CFAP54: variants seen among roughly 807,000 people sequenced by gnomAD.
CFAP54 encodes the protein cilia and flagella associated protein 54.
In CFAP54, 290 loss-of-function variants were observed where a neutral mutation model predicts 370.4. That is an observed-to-expected ratio of 0.78 (90% CI 0.71 to 0.86). CFAP54 has a LOEUF of 0.86. Ranked by LOEUF, CFAP54 falls within the 40% of genes least tolerant of loss-of-function variation. The pLI, the probability that CFAP54 is intolerant of heterozygous loss-of-function variation, is 0.00. For missense variants in CFAP54, 3,399 were observed against 3,528.7 expected (o/e 0.96, Z 0.93); for synonymous variants, 1,206 against 1,236.5 (o/e 0.98, Z 0.52).
intron 50 of CFAP54, among the ~76,000 whole-genome samples, chr12:96,731,225 T>C (rs1957916021): frequency 6.6e-6 from 1 of 152,228 alleles, no homozygotes; most frequent in Admixed American, 6.5e-5. Context: ...CCAGTTTCAC[T>C]TAAGAATGCC....
intron 60 of CFAP54, among the ~76,000 whole-genome samples, chr12:96,766,797 T>A (rs1223709175): frequency 6.6e-6 from 1 of 152,214 alleles, no homozygotes; most frequent in Non-Finnish European, 1.5e-5. Flanking sequence ...AGTCATTTCC[T>A]TGTGTTTTCC....
chr12:96,638,426 G>C (rs1956687046), intron 32 of CFAP54, among the ~76,000 whole-genome samples: 1 of 150,548 alleles, frequency 6.6e-6, no homozygotes, highest in Admixed American at 6.6e-5. Context: ...TAATTGTAGA[G>C]ATGGCCTCGC....
chr12:96,542,546 T>A (rs1180081436), intron 14 of CFAP54, among the ~76,000 whole-genome samples: 3 of 152,168 alleles, frequency 2.0e-5, no homozygotes, highest in African/African-American at 7.2e-5. Flanking sequence ...CCGGCACCAA[T>A]AATTATCAAC....
chr12:96,567,271 G>A (rs557445053), intron 19 of CFAP54, among the ~76,000 whole-genome samples: 2 of 152,178 alleles, frequency 1.3e-5, no homozygotes, highest in African/African-American at 2.4e-5. Flanking sequence ...GGAGTCGGGT[G>A]GGGGAGAGGA....
At chr12:96,498,636 A>T (rs1954985949) in intron 1 of CFAP54, among the ~76,000 whole-genome samples, 1 of 152,256 alleles carries the variant, frequency 6.6e-6, no homozygotes. Context: ...CTGGTGACAG[A>T]GTGAGACTCC....
chr12:96,720,327 A>C lies in CFAP54; in HGVS notation c.6805-78A>C, dbSNP rs555634802. On this transcript the variant is annotated intron_variant, in intron 49 of 67. Transcript: ENST00000524981. ...TTCATTGTTACTTTTCAGTACATGA[A>C]AAATATTTGCTAAAGAAGAAAGAGA... The C allele has an allele frequency of 2.5e-6, 3 of 1,220,720 alleles. No individual in the cohort carries two copies. The East Asian group carries it at 8.6e-5, about 35-fold the overall frequency. 75.6% of individuals were successfully genotyped at this position (1,220,720 alleles called of 1,614,324 possible).
chr12:96,630,728 G>C (rs1055443505), intron 32 of CFAP54, 77 bp downstream of exon 32: 2 of 845,246 alleles, frequency 2.4e-6, no homozygotes, highest in African/African-American at 1.8e-5. Context: ...GGGTACTAGG[G>C]ATACACTGGT....
chr12:96,669,905 G>C (rs1285816031), intron 39 of CFAP54, among the ~76,000 whole-genome samples: 1 of 152,172 alleles, frequency 6.6e-6, no homozygotes, highest in East Asian at 1.9e-4. Context: ...GCATAAACTT[G>C]AGGATGGCGT....
rs1565984890 is a variant in CFAP54, at chr12:96,806,194, AT to A, written c.8851-5541del. ...TATATATATATATATATATATATAT[AT>A]ATATATATATATATATATAATAACA... On this transcript the variant is annotated intron_variant, in intron 63 of 67. Transcript: ENST00000524981. 6.2e-3 allele frequency among the ~76,000 whole-genome samples: 552 copies of A among 89,736 alleles called. 35 individuals are homozygous for A. Among genetic ancestry groups the A allele is most frequent in the South Asian group, 0.04 (116 of 2,922 alleles). 58.9% of individuals were successfully genotyped at this position (89,736 alleles called of 152,430 possible). A position where few individuals can be genotyped will look rare whatever the true frequency, so the allele number is the denominator to read the frequency against.
At position 96,651,747 on chromosome 12, in the gene CFAP54, C is replaced by G. The variant is rs1956860293; in HGVS notation, c.5032C>G (p.Pro1678Ala). The change falls in exon 36 of 68, where the codon CCA (proline) becomes GCA (alanine). Residue 1678 changes from proline (P) to alanine (A), a missense_variant. By Grantham distance (27) the Pro-to-Ala change is conservative (BLOSUM62 -1). Around this residue, in one of 3 missense-constraint regions of CFAP54, gnomAD observed 2,796 missense variants for 2,869.7 expected, o/e 0.97. Coordinates refer to ENST00000524981, the MANE Select transcript of CFAP54 (RefSeq NM_001306084.2). ...TGGTTTCCTCTGCACCTCTGTTTTA[C>G]CATTCTATTTGGGAGCAGAATTACT... ...QDGFLCTSVL[P>A]FYLGAELLID... 1 of 1,613,668 alleles carries G rather than the reference C, an allele frequency of 6.2e-7. No individual in the cohort carries two copies. The highest frequency in any genetic ancestry group is 8.5e-7 in the Non-Finnish European group (1 of 1,179,594).
At chr12:96,867,544 T>C (rs528627921) in intron 67 of CFAP54, among the ~76,000 whole-genome samples, 44 of 152,356 alleles carry the variant, frequency 2.9e-4, no homozygotes, top group African/African-American at 1.0e-3. Flanking sequence ...AAATGTGGGA[T>C]GTGCGTGTAT....
At chr12:96,635,169 T>A (rs1274596004) in intron 32 of CFAP54, among the ~76,000 whole-genome samples, 2 of 152,220 alleles carry the variant, frequency 1.3e-5, no homozygotes, top group Non-Finnish European at 2.9e-5. Flanking sequence ...AATAAACTTG[T>A]CTATAATATG....
chr12:96,669,818 G>A (rs551964993), intron 39 of CFAP54, among the ~76,000 whole-genome samples: 2 of 152,292 alleles, frequency 1.3e-5, no homozygotes, highest in Admixed American at 1.3e-4. Context: ...TTGGAGATTT[G>A]TATTTTAGTC....
At chr12:96,754,141 T>C (rs553600226) in intron 56 of CFAP54, among the ~76,000 whole-genome samples, 16 of 152,324 alleles carry the variant, frequency 1.1e-4, no homozygotes, top group African/African-American at 3.8e-4. Context: ...TAATTGATTC[T>C]TCTTACACAA....
rs576668580 is a variant in CFAP54, at chr12:96,787,907, T to G, written c.8679+1009T>G. Among the ~76,000 whole-genome samples the G allele has an allele frequency of 1.6e-3, 220 of 141,708 alleles. 1 individual carries two copies. The highest frequency in any genetic ancestry group is 5.3e-3 in the African/African-American group (206 of 38,578). 93.0% of individuals were successfully genotyped at this position (141,708 alleles called of 152,430 possible). A position where few individuals can be genotyped will look rare whatever the true frequency, so the allele number is the denominator to read the frequency against. On this transcript the variant is annotated intron_variant, in intron 62 of 67. Transcript: ENST00000524981. ...GCAAAGGATAGATGAAAAAGTGAGG[T>G]TTTTTTTTTTTGGTTTTTTTTTTGA...
chr12:96,544,716 G>A (rs1167585225), intron 14 of CFAP54, among the ~76,000 whole-genome samples: 1 of 152,118 alleles, frequency 6.6e-6, no homozygotes, highest in African/African-American at 2.4e-5. Flanking sequence ...CTGTTACTTA[G>A]AATACCTGAA....
In CFAP54 at chr12:96,687,297, T is replaced by A. The variant is rs1047154528; in HGVS notation, c.6015-1619T>A. ...CCCTGTAAGGTCACATATTCATAGG[T>A]TCTGGAGATTAGGGCATGAATATCT... On this transcript the variant is annotated intron_variant, in intron 42 of 67. Transcript: ENST00000524981. Among the ~76,000 whole-genome samples the A allele has an allele frequency of 3.9e-5, 6 of 152,322 alleles. No individual in the cohort carries two copies. The East Asian group carries it at 7.7e-4, about 20-fold the overall frequency.
rs1958219555 is a variant in CFAP54 at position 96,753,907 on chromosome 12, C to G, written c.7840+9C>G. 1 of 1,611,680 alleles carries G rather than the reference C, an allele frequency of 6.2e-7. No individual in the cohort carries two copies. The highest frequency in any genetic ancestry group is 1.3e-5 in the African/African-American group (1 of 74,862). On this transcript the variant is annotated intron_variant, in intron 56 of 67. Coordinates refer to ENST00000524981, the MANE Select transcript of CFAP54 (RefSeq NM_001306084.2). ...AATCCTTTTTCAGAAAGGTAAAATG[C>G]ATCTGGGGTCAGAACTATGATAAAA...
intron 26 of CFAP54, among the ~76,000 whole-genome samples, chr12:96,608,459 C>CCT (rs1555259272): frequency 9.3e-5 from 10 of 106,966 alleles, no homozygotes; most frequent in Admixed American, 7.1e-4. Context: ...CATAGTAGGA[C>CCT]TTTTTTTTTT....
Sources: allele counts gnomAD v4.1 joint callset (sites outside exome capture counted in the v4.1 genomes callset), GRCh38; gene constraint gnomAD v4.1.1; regional missense constraint gnomAD v4.1.1; transcripts MANE v1.5; gene names NCBI Gene and HGNC (gene_info 2026-07-23, HGNC 2026-07-21).